The following RFX8 variants were observed in gnomAD, a reference collection of about 807,000 sequenced individuals.
RFX8 encodes the protein regulatory factor X8, also known as DNA-binding protein RFX8.
A neutral mutation model predicts 54.6 loss-of-function variants in RFX8; 46 were observed. The observed-to-expected ratio is 0.84, with a 90% CI of 0.67 to 1.08. The LOEUF (loss-of-function observed/expected upper bound fraction) is 1.08, where lower values mean the gene tolerates loss of function less well. Among genes scored for constraint, RFX8 ranks in the 50% least tolerant of loss-of-function variants. RFX8 has a pLI of 0.00. For synonymous variants in RFX8, 192 were observed against 209.5 expected, an observed-to-expected ratio of 0.92 and a Z score of 0.72; for missense variants, 536 against 562.3, an observed-to-expected ratio of 0.95 and a Z score of 0.47.
At chr2:101,470,145 G>T (rs139268679) in intron 1 of RFX8, among the ~76,000 whole-genome samples, 3 of 152,080 alleles carry the variant, frequency 2.0e-5, no homozygotes, top group Admixed American at 1.3e-4. Flanking sequence ...CACATACCCC[G>T]GGCTTTGAAC....
chr2:101,429,165 G>A (rs2104606499), intron 2 of RFX8: 2 of 560,852 alleles, frequency 3.6e-6, no homozygotes, highest in Non-Finnish European at 6.4e-6. Flanking sequence ...ATCCACGAAT[G>A]GTAATTATCA....
At position 101,410,843 on chromosome 2, in the gene RFX8, T is replaced by C. The variant is rs77440527; in HGVS notation, c.719-130A>G. The C allele has an allele frequency of 2.0e-3, 1,177 of 601,272 alleles. 14 individuals are homozygous for C. The highest frequency in any genetic ancestry group is 0.02 in the African/African-American group (1,047 of 53,628). The allele number at this position is 601,272 out of a possible 1,614,324, so 37.2% of individuals were successfully genotyped here. ...CTCGAAGGGACTCCCCAGGGCCTCA[T>C]GCTCATTGTGAACACAGAGGATGTC... On this transcript the variant is annotated intron_variant, in intron 8 of 11. Transcript: ENST00000428343.
chr2:101,467,788 G>A (rs2148995909), intron 1 of RFX8, among the ~76,000 whole-genome samples: 1 of 152,128 alleles, frequency 6.6e-6, no homozygotes, highest in South Asian at 2.1e-4. Flanking sequence ...GGTGAGTGGT[G>A]AAGGTGGCCT....
In RFX8 at chr2:101,462,242, A is replaced by G. The variant is rs146460476; in HGVS notation, c.72+4535T>C. 1.2e-4 allele frequency among the ~76,000 whole-genome samples: 18 copies of G among 152,318 alleles called. 1 individual carries two copies. The East Asian group carries it at 3.5e-3, about 29-fold the overall frequency. ...CAGGGGTCCAAGACCAGCCTGGGCA[A>G]CTTGGCAAAACCCTGTCTCTGCAAA... is the stretch of plus-strand genomic sequence containing the variant. On this transcript the variant is annotated intron_variant, in intron 2 of 11. Coordinates refer to ENST00000428343, the MANE Select transcript of RFX8 (RefSeq NM_001145664.2).
intron 2 of RFX8, among the ~76,000 whole-genome samples, chr2:101,431,688 T>C (rs1687496781): frequency 6.6e-6 from 1 of 152,238 alleles, no homozygotes; most frequent in African/African-American, 2.4e-5. Flanking sequence ...AGCTTTGGAC[T>C]AATGAGTAAT....
intron 2 of RFX8, among the ~76,000 whole-genome samples, chr2:101,424,180 C>T (rs1187153516): frequency 3.3e-5 from 5 of 152,310 alleles, no homozygotes; most frequent in Non-Finnish European, 5.9e-5. Flanking sequence ...ACCTCATTCA[C>T]ACCACACTTT....
chr2:101,469,556 G>A (rs1295357099), intron 1 of RFX8, among the ~76,000 whole-genome samples: 4 of 152,126 alleles, frequency 2.6e-5, no homozygotes, highest in Non-Finnish European at 4.4e-5. Context: ...GTGGCAAAAT[G>A]TGATGTGCAT....
chr2:101,461,978 G>A (rs1402270185), intron 2 of RFX8, among the ~76,000 whole-genome samples: 1 of 152,164 alleles, frequency 6.6e-6, no homozygotes. Flanking sequence ...TATCATCAGG[G>A]ATGGGAACTG....
chr2:101,469,064 AT>A (rs1558896530), intron 1 of RFX8, among the ~76,000 whole-genome samples: 3 of 20,784 alleles, frequency 1.4e-4, no homozygotes, highest in African/African-American at 3.8e-4. Context: ...ACGTATATAT[AT>A]GTATATATAT....
chr2:101,452,343 T>A (rs1293742856), intron 2 of RFX8: 8 of 1,133,726 alleles, frequency 7.1e-6, no homozygotes, highest in Non-Finnish European at 9.8e-6. Context: ...TTCCAAATCC[T>A]TGTTTTTAAC....
intron 2 of RFX8, among the ~76,000 whole-genome samples, chr2:101,462,656 A>G (rs2175965): frequency 0.35 from 52,466 of 152,000 alleles, 9,729 homozygotes; most frequent in African/African-American, 0.44. Context: ...ACCTCATGAA[A>G]TAGGTACTAT....
intron 9 of RFX8, among the ~76,000 whole-genome samples, chr2:101,409,909 T>C (rs1382956861): frequency 2.0e-5 from 3 of 152,078 alleles, no homozygotes; most frequent in Middle Eastern, 3.2e-3. Context: ...ACTGCCCCCA[T>C]GGAGGATGAT....
intron 1 of RFX8, among the ~76,000 whole-genome samples, chr2:101,473,407 A>G (rs1053974085): frequency 1.3e-5 from 2 of 151,632 alleles, no homozygotes; most frequent in Non-Finnish European, 2.9e-5. Context: ...TATTCATTTG[A>G]TTTTTTTTCC....
intron 4 of RFX8, among the ~76,000 whole-genome samples, chr2:101,419,190 T>C (rs949091566): frequency 5.3e-5 from 8 of 152,150 alleles, no homozygotes; most frequent in Non-Finnish European, 1.2e-4. Flanking sequence ...AGAACATTAT[T>C]AATATTTTCT....
intron 9 of RFX8, among the ~76,000 whole-genome samples, chr2:101,406,421 T>A (rs1685739356): frequency 6.7e-6 from 1 of 148,906 alleles, no homozygotes; most frequent in African/African-American, 2.5e-5. Context: ...AGCCTTGAAC[T>A]CCTGGGCTTA....
At chr2:101,469,661 T>A (rs1689867147) in intron 1 of RFX8, among the ~76,000 whole-genome samples, 2 of 152,146 alleles carry the variant, frequency 1.3e-5, no homozygotes, top group South Asian at 4.1e-4. Flanking sequence ...ACAAACTCCT[T>A]AAAATGAACT....
In RFX8 at chr2:101,469,065, T is replaced by TATAAGTATATATAC. The variant is rs1179384468; in HGVS notation, c.-52-2166_-52-2165insGTATATATACTTAT. On this transcript the variant is annotated intron_variant, in intron 1 of 11. Coordinates refer to ENST00000428343, the MANE Select transcript of RFX8 (RefSeq NM_001145664.2). ...ATGTATATATATATACGTATATATA[T>TATAAGTATATATAC]GTATATATATATAAGTGTATATATA... Among the ~76,000 whole-genome samples the TATAAGTATATATAC allele has an allele frequency of 4.7e-3, 116 of 24,868 alleles. 2 individuals carry two copies. The highest frequency in any genetic ancestry group is 0.016 in the African/African-American group (111 of 7,020). The allele number at this position is 24,868 out of a possible 152,430, so 16.3% of individuals were successfully genotyped here. A position where few individuals can be genotyped will look rare whatever the true frequency, so the allele number is the denominator to read the frequency against.
At chr2:101,445,488 G>A (rs72825096) in intron 2 of RFX8, among the ~76,000 whole-genome samples, 6,175 of 151,926 alleles carry the variant, frequency 0.041, 219 homozygotes, top group Non-Finnish European at 0.054. Flanking sequence ...GACCTCCCGG[G>A]CTCAGGTTAC....
At position 101,416,065 on chromosome 2, in the gene RFX8, G is replaced by A. The variant is rs183480435; in HGVS notation, c.503-1153C>T. ...GATGGAGACAGGGATGGGGCCAGAG[G>A]CCAAACTGTGAATGACTGCACAGCA... On this transcript the variant is annotated intron_variant, in intron 6 of 11. Transcript: ENST00000428343. Among the ~76,000 whole-genome samples the A allele has an allele frequency of 4.4e-3, 677 of 152,308 alleles. 10 individuals are homozygous for A. The highest frequency in any genetic ancestry group is 0.014 in the African/African-American group (574 of 41,558).
Sources: gnomAD v4.1 joint callset for allele counts (sites outside exome capture counted in the v4.1 genomes callset) on GRCh38, gnomAD v4.1.1 for gene constraint, MANE v1.5 for transcripts, NCBI Gene and HGNC (gene_info 2026-07-23, HGNC 2026-07-21) for gene names.